SGTA: variants seen among roughly 807,000 people sequenced by gnomAD.
SGTA encodes small glutamine-rich tetratricopeptide repeat-containing protein alpha.
Under a neutral mutation model 44.3 loss-of-function variants are expected in SGTA, and 22 were observed. The ratio of observed to expected loss-of-function variants is 0.50; its 90% CI spans 0.36 to 0.71. The LOEUF is 0.71. SGTA is among the 30% of genes least tolerant of loss of function. The pLI, the probability that SGTA is intolerant of heterozygous loss-of-function variation, is 0.00. For synonymous variants in SGTA, 174 were observed against 177.6 expected, an observed-to-expected ratio of 0.98 and a Z score of 0.16; for missense variants, 341 against 435.9, an observed-to-expected ratio of 0.78 and a Z score of 1.94.
chr19:2,759,782 G>T (rs1445053907), intron 8 of SGTA, among the ~76,000 whole-genome samples: 1 of 152,018 alleles, frequency 6.6e-6, no homozygotes, highest in Non-Finnish European at 1.5e-5. Flanking sequence ...CCAACATGGT[G>T]AAACCCCGTC....
intron 4 of SGTA, among the ~76,000 whole-genome samples, chr19:2,766,282 G>A (rs955794460): frequency 1.3e-5 from 2 of 152,150 alleles, no homozygotes; most frequent in African/African-American, 4.8e-5. Context: ...CTCTCCCTGA[G>A]TGTGATGTCT....
chr19:2,756,400 G>A (rs547521101), intron 11 of SGTA, among the ~76,000 whole-genome samples: 1 of 150,620 alleles, frequency 6.6e-6, no homozygotes, highest in East Asian at 1.9e-4. Context: ...AGGCTGCAGT[G>A]AGACGTGACT....
intron 1 of SGTA, among the ~76,000 whole-genome samples, chr19:2,773,216 A>G (rs62121143): frequency 0.013 from 55 of 4,092 alleles, no homozygotes; most frequent in South Asian, 0.031. Context: ...GAGGGCAGAG[A>G]TGGGTGACGC....
intron 8 of SGTA, among the ~76,000 whole-genome samples, chr19:2,760,375 A>G (rs1162693693): frequency 1.3e-5 from 2 of 151,842 alleles, no homozygotes; most frequent in South Asian, 2.1e-4. Flanking sequence ...AAAATTAGCC[A>G]GGCATGGTGG....
Position 2,762,636 on chromosome 19 carries a change from A to T in SGTA, c.506T>A (p.Leu169His), listed in dbSNP as rs1210278532. Residue 169 changes from leucine to histidine, a missense_variant, in exon 7 of 12, where the codon CTC (leucine) becomes CAC (histidine). Leu to His is a moderately conservative substitution (Grantham distance 99, BLOSUM62 -3). Transcript: ENST00000221566. ...SKAYGRMGLA[L>H]SSLNKHVEAV... The stretch of plus-strand genomic sequence containing the variant: ...CTCCACGTGCTTGTTGAGGCTGGAG[A>T]GCGCCAGGCTGGAGGAGAGCACCGG... 6.2e-7 allele frequency: 1 copy of T among 1,613,830 alleles called. No homozygotes were observed.
intron 1 of SGTA, among the ~76,000 whole-genome samples, chr19:2,782,836 G>A (rs1272041848): frequency 1.3e-5 from 2 of 152,142 alleles, no homozygotes; most frequent in African/African-American, 4.8e-5. Context: ...AGGGACTGGC[G>A]GCGCTGGAAC....
Position 2,767,646 on chromosome 19 carries a change from T to C in SGTA, c.141A>G (p.Val47=), listed in dbSNP as rs1443420564. 1 of 1,613,646 alleles carries C rather than the reference T, an allele frequency of 6.2e-7. No individual in the cohort carries two copies. Among genetic ancestry groups the C allele is most frequent in the Non-Finnish European group, 8.5e-7 (1 of 1,180,006 alleles). Reference sequence around the variant, plus strand: ...GAGGGAGCGCAAGGTCACTGTCTTCTACCGTCACCCCAAACGCAGTCTCCA... The same window carrying C: ...GAGGGAGCGCAAGGTCACTGTCTTCCACCGTCACCCCAAACGCAGTCTCCA... The part of the protein sequence containing the change: ...QCLETAFGVT[V]EDSDLALPQT... The change falls in exon 3 of 12, where the codon GTA becomes GTG. Residue 47 remains valine (V), a synonymous_variant. Coordinates refer to ENST00000221566, the MANE Select transcript of SGTA (RefSeq NM_003021.4). The surrounding 1 kb of genome is among the most constrained non-coding windows in gnomAD (Gnocchi z 7.3).
chr19:2,759,453 TTTTCGCC>T, intron 8 of SGTA, 159 bp from the exon 9 acceptor site: 1 of 651,858 alleles, frequency 1.5e-6, no homozygotes, highest in Non-Finnish European at 2.7e-6. Context: ...TTTCCCTACA[TTTTCGCC>T]CCCCCACCCA....
At chr19:2,782,041 C>T (rs1165705568) in intron 1 of SGTA, among the ~76,000 whole-genome samples, 2 of 152,086 alleles carry the variant, frequency 1.3e-5, no homozygotes, top group Admixed American at 1.3e-4. Flanking sequence ...GGGGTTTCAC[C>T]ACGTTGGCTA....
In SGTA at chr19:2,767,734, G is replaced by A; in HGVS notation, c.101-48C>T. 2.0e-6 allele frequency: 3 copies of A among 1,503,744 alleles called. No individual in the cohort carries two copies. The highest frequency in any genetic ancestry group is 1.1e-5 in the South Asian group (1 of 88,588). 93.2% of individuals were successfully genotyped at this position (1,503,744 alleles called of 1,614,324 possible). A position where few individuals can be genotyped will look rare whatever the true frequency, so the allele number is the denominator to read the frequency against. On this transcript the variant is annotated intron_variant, in intron 2 of 11. Transcript: ENST00000221566. The surrounding 1 kb of genome is among the most constrained non-coding windows in gnomAD (Gnocchi z 7.3). ...CCCATTCATTGCACGCAGCCCCGAG[G>A]TTACGTTTTTGGGTCTAGAGGGCGG...
intron 9 of SGTA, among the ~76,000 whole-genome samples, chr19:2,758,673 C>T (rs571925489): frequency 1.3e-5 from 2 of 152,332 alleles, no homozygotes; most frequent in East Asian, 3.9e-4. Flanking sequence ...TTCACACAGA[C>T]GATTGCACAC....
rs993667820 is a variant in SGTA, at chr19:2,761,611, C to T, written c.637-89G>A. ...GGAACTCAGAAACAACGGCCCCCCA[C>T]GGGGCTCAGACATTCTATCAACCCT... On this transcript the variant is annotated intron_variant, in intron 7 of 11. Coordinates refer to ENST00000221566, the MANE Select transcript of SGTA (RefSeq NM_003021.4). The surrounding 1 kb of genome is among the most constrained non-coding windows in gnomAD (Gnocchi z 5.7). 17 of 1,088,132 alleles carry T rather than the reference C, an allele frequency of 1.6e-5. No homozygotes were observed. The highest frequency in any genetic ancestry group is 2.7e-5 in the South Asian group (2 of 74,390). The allele number at this position is 1,088,132 out of a possible 1,614,324, so 67.4% of individuals were successfully genotyped here.
intron 9 of SGTA, 44 bp from the exon 10 acceptor site, chr19:2,757,826 G>A (rs745572540): frequency 1.1e-5 from 15 of 1,378,914 alleles, no homozygotes; most frequent in East Asian, 5.0e-5. Flanking sequence ...CAGCCTGACC[G>A]CCACCCCCAC....
At chr19:2,762,866 A>C (rs1164187783) in intron 6 of SGTA, among the ~76,000 whole-genome samples, 3 of 152,144 alleles carry the variant, frequency 2.0e-5, no homozygotes, top group Admixed American at 1.3e-4. Flanking sequence ...CAAGAACTGG[A>C]GTCCCCATGG....
At chr19:2,762,680 T>C (rs765157184) in intron 6 of SGTA, 36 bp from the exon 7 acceptor site, 1 of 1,610,228 alleles carries the variant, frequency 6.2e-7, no homozygotes. Context: ...TGTTCCCATC[T>C]GCCCAGCTCC....
Position 2,765,769 on chromosome 19 carries a change from C to T in SGTA, c.293-484G>A, listed in dbSNP as rs1915121499. On this transcript the variant is annotated intron_variant, in intron 4 of 11. Transcript: ENST00000221566. This position sits in a 1 kb window ranked among gnomAD's most constrained non-coding sequence, Gnocchi z 5.5. ...CCAGCTGGTAGGACGGTAAAAACCC[C>T]AGCTGCTATCCTAGAACTGAGAGCC... Among the ~76,000 whole-genome samples the T allele has an allele frequency of 6.6e-6, 1 of 152,140 alleles. No individual in the cohort carries two copies. The highest frequency in any genetic ancestry group is 1.5e-5 in the Non-Finnish European group (1 of 68,038).
In SGTA at chr19:2,777,253, G is replaced by GAA. The variant is rs527677371; in HGVS notation, c.-24+5978_-24+5979dup. Among the ~76,000 whole-genome samples, 57 of 134,532 alleles carry GAA rather than the reference G, an allele frequency of 4.2e-4. 1 individual carries two copies. The highest frequency in any genetic ancestry group is 1.5e-3 in the African/African-American group (53 of 36,054). The allele number at this position is 134,532 out of a possible 152,430, so 88.3% of individuals were successfully genotyped here. A position where few individuals can be genotyped will look rare whatever the true frequency, so the allele number is the denominator to read the frequency against. On this transcript the variant is annotated intron_variant, in intron 1 of 11. Coordinates refer to ENST00000221566, the MANE Select transcript of SGTA (RefSeq NM_003021.4). ...GCAATAAGAGCAAAACTCCATCTCAGAAAAAAAAAAAAAGACCAGGCGCAG... is the reference window on the plus strand; with the variant it reads ...GCAATAAGAGCAAAACTCCATCTCAGAAAAAAAAAAAAAAAGACCAGGCGCAG...
intron 1 of SGTA, among the ~76,000 whole-genome samples, chr19:2,775,198 C>G (rs1011909799): frequency 1.3e-5 from 2 of 152,254 alleles, no homozygotes; most frequent in African/African-American, 4.8e-5. Context: ...GCCACTGGAG[C>G]CACAGGCACG....
chr19:2,774,854 G>A (rs1230933166), intron 1 of SGTA, among the ~76,000 whole-genome samples: 4 of 152,120 alleles, frequency 2.6e-5, no homozygotes, highest in African/African-American at 7.2e-5. Context: ...AGCTGTGTGC[G>A]CGCGCATGTG....
Sources: gnomAD v4.1 joint callset for allele counts (sites outside exome capture counted in the v4.1 genomes callset) on GRCh38, gnomAD v4.1.1 for gene constraint, Gnocchi (gnomAD v3.1) non-coding constraint, MANE v1.5 for transcripts, NCBI Gene and HGNC (gene_info 2026-07-23, HGNC 2026-07-21) for gene names.